Variants in GPHN observed in about 807,000 individuals in gnomAD.
GPHN encodes gephyrin.
GPHN carries 17 observed loss-of-function variants against 95.5 expected under a neutral mutation model. The observed-to-expected ratio is 0.18, with a 90% CI of 0.12 to 0.27. The LOEUF (loss-of-function observed/expected upper bound fraction) is 0.27. Ranked by LOEUF, GPHN falls within the 10% of genes least tolerant of loss-of-function variation. GPHN has a pLI of 1.00. For synonymous variants in GPHN, 320 were observed against 322.5 expected (o/e 0.99, Z 0.08); for missense variants, 660 against 978.1 (o/e 0.67, Z 4.34).
the GPHN span, among the ~76,000 whole-genome samples, chr14:67,419,960 A>G: frequency 2.0e-5 from 3 of 152,192 alleles, no homozygotes; most frequent in Non-Finnish European, 2.9e-5. Flanking sequence ...AATCATGTCC[A>G]TACCCAGGAG....
intron 9 of GPHN, among the ~76,000 whole-genome samples, chr14:67,014,604 G>C (rs1419446811): frequency 6.6e-6 from 1 of 152,136 alleles, no homozygotes; most frequent in East Asian, 1.9e-4. Flanking sequence ...AGATAATTAA[G>C]TTTGGAAGTC....
the GPHN span, among the ~76,000 whole-genome samples, chr14:67,704,260 C>G: frequency 6.6e-6 from 1 of 152,130 alleles, no homozygotes; most frequent in Non-Finnish European, 1.5e-5. Context: ...GGAGGAGGAG[C>G]AGCTAGAGGC....
At chr14:66,700,795 C>A (rs528253570) in intron 2 of GPHN, among the ~76,000 whole-genome samples, 4 of 152,084 alleles carry the variant, frequency 2.6e-5, no homozygotes, top group Non-Finnish European at 5.9e-5. Flanking sequence ...TGGTGGCGTG[C>A]GCCTATAGTC....
rs564834911 is a variant in GPHN, at chr14:66,520,712, T to A, written c.64+12121T>A. 1.3e-4 allele frequency among the ~76,000 whole-genome samples: 19 copies of A among 151,924 alleles called. No homozygotes were observed. In the East Asian group the frequency reaches 1.7e-3, roughly 14 times the overall value. Reference sequence around the variant, plus strand: ...AGAGGAAATATTTTCTTTTTTTTTTTAAACTTTTATTTTAGTTTCAAGGGT... The same window carrying A: ...AGAGGAAATATTTTCTTTTTTTTTTAAAACTTTTATTTTAGTTTCAAGGGT... On this transcript the variant is annotated intron_variant, in intron 1 of 22. Transcript: ENST00000478722.
chr14:66,714,300 T>G (rs1472123052), intron 2 of GPHN, among the ~76,000 whole-genome samples: 2 of 152,188 alleles, frequency 1.3e-5, no homozygotes, highest in African/African-American at 4.8e-5. Flanking sequence ...CTCTGTTTGG[T>G]TGCTGTTTGT....
chr14:66,785,502 C>A (rs1181476733), intron 3 of GPHN, among the ~76,000 whole-genome samples: 1 of 151,734 alleles, frequency 6.6e-6, no homozygotes, highest in Non-Finnish European at 1.5e-5. Context: ...GCTCAATCCA[C>A]CAGGAAAACA....
At chr14:66,736,893 C>T (rs777773481) in intron 2 of GPHN, among the ~76,000 whole-genome samples, 5 of 152,130 alleles carry the variant, frequency 3.3e-5, no homozygotes, top group African/African-American at 4.8e-5. Flanking sequence ...CTTTTTATCT[C>T]TCTTTGCTGA....
chr14:66,903,323 A>G (rs949692911), intron 5 of GPHN, among the ~76,000 whole-genome samples: 1 of 152,110 alleles, frequency 6.6e-6, no homozygotes, highest in Non-Finnish European at 1.5e-5. Flanking sequence ...ATTTTGCTGA[A>G]TTGACCTCTT....
chr14:67,312,065 CAG>C, the GPHN span: 1 of 152,678 alleles, frequency 6.5e-6, no homozygotes, highest in African/African-American at 2.4e-5. Context: ...TACCTTATTG[CAG>C]AGTCATTGTT....
At chr14:66,944,075 G>T (rs543350437) in intron 8 of GPHN, among the ~76,000 whole-genome samples, 1 of 152,176 alleles carries the variant, frequency 6.6e-6, no homozygotes, top group South Asian at 2.1e-4. Context: ...TCCAAGAAAA[G>T]AAAAACATAA....
At chr14:67,609,958 A>G in the GPHN span, among the ~76,000 whole-genome samples, 5,464 of 152,204 alleles carry the variant, frequency 0.036, 262 homozygotes, top group African/African-American at 0.11. Flanking sequence ...TGATGAGCCC[A>G]GTCCCTTCCT....
chr14:67,620,949 A>G, the GPHN span: 1 of 1,614,148 alleles, frequency 6.2e-7, no homozygotes, highest in Admixed American at 1.7e-5. Context: ...GGCTTGATGA[A>G]AAGGCTCTCC....
intron 11 of GPHN, among the ~76,000 whole-genome samples, chr14:67,071,469 A>G (rs1052565109): frequency 1.4e-5 from 2 of 148,144 alleles, no homozygotes; most frequent in African/African-American, 2.5e-5. Flanking sequence ...AATATCACAC[A>G]CTGGGGCCTG....
chr14:67,395,340 C>T, the GPHN span: 1 of 1,462,490 alleles, frequency 6.8e-7, no homozygotes. Flanking sequence ...GGGGCAGGGT[C>T]CCCTGCCCAC....
the GPHN span, chr14:67,397,783 C>T: frequency 3.7e-6 from 6 of 1,613,122 alleles, no homozygotes; most frequent in South Asian, 2.2e-5. Context: ...CGTGTTCTGC[C>T]GAAGGATGAA....
At chr14:66,751,058 T>C (rs956254447) in intron 2 of GPHN, among the ~76,000 whole-genome samples, 1 of 151,968 alleles carries the variant, frequency 6.6e-6, no homozygotes, top group Non-Finnish European at 1.5e-5. Flanking sequence ...AAACAATAAA[T>C]GATATTGAAA....
chr14:66,670,713 G>A (rs1399902252), intron 1 of GPHN, among the ~76,000 whole-genome samples: 1 of 152,182 alleles, frequency 6.6e-6, no homozygotes, highest in Non-Finnish European at 1.5e-5. Context: ...GATCATTTGA[G>A]CCTAGGCGGT....
intron 8 of GPHN, among the ~76,000 whole-genome samples, chr14:66,925,530 G>A (rs2066440404): frequency 6.6e-6 from 1 of 152,064 alleles, no homozygotes; most frequent in South Asian, 2.1e-4. Flanking sequence ...AACATGCAAA[G>A]TTTGTCTTTT....
the GPHN span, among the ~76,000 whole-genome samples, chr14:67,608,064 C>T: frequency 5.2e-3 from 732 of 140,016 alleles, 35 homozygotes; most frequent in East Asian, 0.086. Context: ...AAGTGAAACC[C>T]CTGTCTCTAC....
Sources: allele counts gnomAD v4.1 joint callset (sites outside exome capture counted in the v4.1 genomes callset), GRCh38; gene constraint gnomAD v4.1.1; transcripts MANE v1.5; gene names NCBI Gene and HGNC (gene_info 2026-07-23, HGNC 2026-07-21).